CCDC81: variants seen among roughly 807,000 people sequenced by gnomAD.
The protein encoded by CCDC81 is coiled-coil domain-containing protein 81.
A neutral mutation model predicts 83.7 loss-of-function variants in CCDC81; 79 were observed. The observed-to-expected ratio is 0.94, with a 90% CI of 0.79 to 1.14. The LOEUF is 1.14. CCDC81 is among the 50% of genes most tolerant of loss of function. The pLI is 0.00. For synonymous variants in CCDC81, 252 were observed against 278.1 expected, an observed-to-expected ratio of 0.91 and a Z score of 0.93; for missense variants, 791 against 778.1, an observed-to-expected ratio of 1.02 and a Z score of -0.20.
intron 1 of CCDC81, among the ~76,000 whole-genome samples, chr11:86,376,009 G>T (rs571863942): frequency 6.6e-6 from 1 of 152,310 alleles, no homozygotes; most frequent in South Asian, 2.1e-4. Context: ...CCTGAAAGAT[G>T]CATTGAAGAT....
chr11:86,387,715 T>G lies in CCDC81; in HGVS notation c.298+43T>G, dbSNP rs557599712. 5 of 1,392,234 alleles carry G rather than the reference T, an allele frequency of 3.6e-6. No individual in the cohort carries two copies. In the South Asian group the frequency reaches 5.1e-5, roughly 14 times the overall value. The allele number at this position is 1,392,234 out of a possible 1,614,324, so 86.2% of individuals were successfully genotyped here. A position where few individuals can be genotyped will look rare whatever the true frequency, so the allele number is the denominator to read the frequency against. Reference sequence around the variant, plus strand: ...GTAGGATTTTCCCAGAAGGTTACTGTCCTGGGGATAAAAAATGAAAGGGCA... The same window carrying G: ...GTAGGATTTTCCCAGAAGGTTACTGGCCTGGGGATAAAAAATGAAAGGGCA... On this transcript the variant is annotated intron_variant, in intron 3 of 14. Transcript: ENST00000445632.
chr11:86,414,738 T>C, intron 11 of CCDC81, 51 bp from the exon 12 acceptor site: 4 of 1,139,364 alleles, frequency 3.5e-6, no homozygotes, highest in Non-Finnish European at 3.9e-6. Flanking sequence ...TAATCCATAT[T>C]ACTAAAGACT....
chr11:86,387,754 G>T, intron 3 of CCDC81, 82 bp downstream of exon 3: 1 of 975,774 alleles, frequency 1.0e-6, no homozygotes, highest in Non-Finnish European at 1.5e-6. Context: ...CGTAGCCAGT[G>T]CTGCTGTCTT....
At chr11:86,392,444 C>A (rs763973587) in intron 3 of CCDC81, 97 bp from the exon 4 acceptor site, 3 of 1,340,668 alleles carry the variant, frequency 2.2e-6, no homozygotes, top group African/African-American at 1.5e-5. Context: ...TATTTTAGGG[C>A]ATTGAGAATC....
chr11:86,402,861 T>C (rs1488996961), intron 7 of CCDC81, among the ~76,000 whole-genome samples: 2 of 152,040 alleles, frequency 1.3e-5, no homozygotes, highest in African/African-American at 4.8e-5. Flanking sequence ...GTTTTTGAGA[T>C]AGCATCTCAC....
At chr11:86,379,438 A>C (rs1385057704) in intron 1 of CCDC81, among the ~76,000 whole-genome samples, 1 of 152,164 alleles carries the variant, frequency 6.6e-6, no homozygotes, top group African/African-American at 2.4e-5. Context: ...GCCTTAGATT[A>C]CAATATATAT....
At chr11:86,381,084 G>C (rs955096632) in intron 1 of CCDC81, among the ~76,000 whole-genome samples, 4 of 152,204 alleles carry the variant, frequency 2.6e-5, no homozygotes, top group African/African-American at 7.2e-5. Flanking sequence ...GGGTGGGAAA[G>C]CATTCTATAG....
chr11:86,411,147 C>G (rs1381374813), intron 10 of CCDC81, among the ~76,000 whole-genome samples: 1 of 152,228 alleles, frequency 6.6e-6, no homozygotes, highest in Non-Finnish European at 1.5e-5. Context: ...CTTCAACTAT[C>G]AAATTCTACA....
rs1948081096 is a variant in CCDC81 at position 86,375,055 on chromosome 11, G to A, written c.-109G>A. 1.2e-5 allele frequency: 11 copies of A among 934,714 alleles called. 1 individual carries two copies. The highest frequency in any genetic ancestry group is 4.8e-5 in the East Asian group (2 of 41,874). 57.9% of individuals were successfully genotyped at this position (934,714 alleles called of 1,614,324 possible). ...CTCTTATTTTTAAGGCACATCCAAA[G>A]CTCCGTGGAGAAGGGGCTGGAGGGT... On this transcript the variant is annotated 5_prime_UTR_variant, in exon 1 of 15. Transcript: ENST00000445632.
At chr11:86,412,273 G>A in intron 10 of CCDC81, 114 bp from the exon 11 acceptor site, 3 of 841,826 alleles carry the variant, frequency 3.6e-6, no homozygotes, top group Non-Finnish European at 5.5e-6. Flanking sequence ...TGTGTTGAGG[G>A]CTGGGCAAAT....
intron 6 of CCDC81, among the ~76,000 whole-genome samples, chr11:86,400,458 A>G (rs1030884929): frequency 6.6e-6 from 1 of 152,242 alleles, no homozygotes; most frequent in African/African-American, 2.4e-5. Flanking sequence ...CACTTCCTGC[A>G]TTTATGTTAT....
intron 14 of CCDC81, among the ~76,000 whole-genome samples, chr11:86,421,370 C>T (rs12278935): frequency 0.1 from 15,858 of 151,856 alleles, 1,337 homozygotes; most frequent in African/African-American, 0.23. Flanking sequence ...AGTGCAGTGG[C>T]GCGATCTCGG....
intron 10 of CCDC81, among the ~76,000 whole-genome samples, chr11:86,412,183 T>C (rs1435642079): frequency 1.3e-5 from 2 of 152,226 alleles, no homozygotes; most frequent in African/African-American, 4.8e-5. Context: ...CCCTGGTGTT[T>C]TGGTAACACA....
In CCDC81 at chr11:86,406,199, G is replaced by T. The variant is rs78712539; in HGVS notation, c.882-1415G>T. Among the ~76,000 whole-genome samples, 146 of 152,284 alleles carry T rather than the reference G, an allele frequency of 9.6e-4. 1 individual carries two copies. Among genetic ancestry groups the T allele is most frequent in the African/African-American group, 3.4e-3 (143 of 41,562 alleles). On this transcript the variant is annotated intron_variant, in intron 7 of 14. Coordinates refer to ENST00000445632, the MANE Select transcript of CCDC81 (RefSeq NM_001156474.2). ...TGATTCTTACTGTGTTGTCGCTCTT[G>T]AGTGCTGATTCTTGGTTCACAGTTA...
At chr11:86,419,240 T>C (rs1217402662) in intron 13 of CCDC81, 1 of 152,220 alleles carries the variant, frequency 6.6e-6, no homozygotes, top group Non-Finnish European at 1.5e-5. Flanking sequence ...TAGCAAGAAA[T>C]AGACACATAA....
chr11:86,375,491 A>G (rs1948087113), intron 1 of CCDC81, among the ~76,000 whole-genome samples: 1 of 152,198 alleles, frequency 6.6e-6, no homozygotes, highest in Non-Finnish European at 1.5e-5. Context: ...ACTAGCACAA[A>G]GTAAGTGCTC....
chr11:86,386,822 C>T (rs554859800), intron 2 of CCDC81, among the ~76,000 whole-genome samples: 5 of 152,244 alleles, frequency 3.3e-5, no homozygotes, highest in Non-Finnish European at 5.9e-5. Flanking sequence ...TCTAACAGTA[C>T]TAGTCTTCCA....
intron 13 of CCDC81, among the ~76,000 whole-genome samples, chr11:86,417,997 TG>T (rs1948744684): frequency 1.3e-5 from 2 of 152,214 alleles, no homozygotes; most frequent in South Asian, 4.1e-4. Context: ...AGCAATGTTG[TG>T]AGAATGCTAG....
chr11:86,389,701 T>C (rs1298219194), intron 3 of CCDC81, among the ~76,000 whole-genome samples: 1 of 152,190 alleles, frequency 6.6e-6, no homozygotes, highest in East Asian at 1.9e-4. Flanking sequence ...AGACATGAGA[T>C]TTGGGCAGGG....
Sources: allele counts gnomAD v4.1 joint callset (sites outside exome capture counted in the v4.1 genomes callset), GRCh38; gene constraint gnomAD v4.1.1; transcripts MANE v1.5; gene names NCBI Gene and HGNC (gene_info 2026-07-23, HGNC 2026-07-21).